The following TMEM232 variants were observed in gnomAD, a reference collection of about 807,000 sequenced individuals.
The protein encoded by TMEM232 is transmembrane protein 232.
In TMEM232, 80 loss-of-function variants were observed where a neutral mutation model predicts 78.8. That is an observed-to-expected ratio of 1.01 (90% confidence interval 0.85 to 1.22). The LOEUF is 1.22. Among genes scored for constraint, TMEM232 ranks in the 50% most tolerant of loss-of-function variants. The pLI, the probability that TMEM232 is intolerant of heterozygous loss-of-function variation, is 0.00. For missense variants in TMEM232, 881 were observed against 742.2 expected (o/e 1.19, Z -2.17); for synonymous variants, 297 against 254.3 (o/e 1.17, Z -1.60).
At chr5:110,464,475 T>C (rs1279783765) in intron 12 of TMEM232, among the ~76,000 whole-genome samples, 2 of 152,160 alleles carry the variant, frequency 1.3e-5, no homozygotes, top group African/African-American at 4.8e-5. Context: ...TTGTTCAAAA[T>C]GCCACTAATT....
chr5:110,506,259 T>C (rs1766887605), intron 12 of TMEM232, among the ~76,000 whole-genome samples: 1 of 152,178 alleles, frequency 6.6e-6, no homozygotes, highest in Non-Finnish European at 1.5e-5. Flanking sequence ...GTGTGTTTTG[T>C]TTTAGGGGGT....
At chr5:110,509,676 A>C (rs57724049) in intron 12 of TMEM232, among the ~76,000 whole-genome samples, 22,813 of 152,110 alleles carry the variant, frequency 0.15, 4,447 homozygotes, top group African/African-American at 0.45. Context: ...TAATAAAACA[A>C]TTTACAAAAA....
At chr5:110,609,580 G>A (rs1781933271) in intron 8 of TMEM232, among the ~76,000 whole-genome samples, 1 of 151,808 alleles carries the variant, frequency 6.6e-6, no homozygotes, top group Non-Finnish European at 1.5e-5. Context: ...AGTATACAGT[G>A]TCTATAGGCA....
intron 5 of TMEM232, among the ~76,000 whole-genome samples, chr5:110,635,270 A>C (rs1459684066): frequency 6.6e-6 from 1 of 152,034 alleles, no homozygotes; most frequent in South Asian, 2.1e-4. Context: ...TGAAAAACTA[A>C]TACCAACCCT....
intron 12 of TMEM232, among the ~76,000 whole-genome samples, chr5:110,442,006 C>A (rs1368089782): frequency 6.5e-4 from 1 of 1,542 alleles, no homozygotes. Context: ...ATTGGAGCTC[C>A]ATGTATGTGG....
intron 12 of TMEM232, among the ~76,000 whole-genome samples, chr5:110,480,626 G>C (rs1013994052): frequency 2.0e-5 from 3 of 151,972 alleles, no homozygotes; most frequent in African/African-American, 7.2e-5. Context: ...ATACTGTTGG[G>C]AACTGTGTGT....
At chr5:110,477,717 G>A (rs113189692) in intron 12 of TMEM232, among the ~76,000 whole-genome samples, 1 of 151,806 alleles carries the variant, frequency 6.6e-6, no homozygotes, top group African/African-American at 2.4e-5. Context: ...AATTCATAAT[G>A]ATGATAAACC....
chr5:110,633,539 T>C (rs1785422109), intron 5 of TMEM232, among the ~76,000 whole-genome samples: 1 of 151,920 alleles, frequency 6.6e-6, no homozygotes, highest in South Asian at 2.1e-4. Context: ...ATGGGGGTGG[T>C]TTCCCCATGC....
At chr5:110,391,291 A>ATGTGTG (rs369913835) in intron 3 of TMEM232, among the ~76,000 whole-genome samples, 5,304 of 130,550 alleles carry the variant, frequency 0.041, 147 homozygotes, top group South Asian at 0.081. Flanking sequence ...TCCCGTTTGA[A>ATGTGTG]TGTGTGTGTG....
At chr5:110,523,687 T>A (rs1313298104) in intron 12 of TMEM232, among the ~76,000 whole-genome samples, 1 of 152,022 alleles carries the variant, frequency 6.6e-6, no homozygotes, top group Non-Finnish European at 1.5e-5. Context: ...GAATGGCGAA[T>A]CATGCTTATA....
chr5:110,541,229 G>T (rs761124278), intron 11 of TMEM232, among the ~76,000 whole-genome samples: 15 of 152,128 alleles, frequency 9.9e-5, no homozygotes, highest in Non-Finnish European at 1.9e-4. Context: ...GGTTAAGCAG[G>T]TCTGTCAAGC....
intron 2 of TMEM232, among the ~76,000 whole-genome samples, chr5:110,403,043 A>G (rs79876883): frequency 6.6e-6 from 1 of 152,226 alleles, no homozygotes; most frequent in East Asian, 1.9e-4. Flanking sequence ...GAAAAAGAAA[A>G]GAAGACAACT....
chr5:110,731,188 A>G (rs1798645160), upstream of TMEM232, among the ~76,000 whole-genome samples: 1 of 152,246 alleles, frequency 6.6e-6, no homozygotes, highest in African/African-American at 2.4e-5. Context: ...CCTCCAGGTC[A>G]TGGTCTTCGG....
At chr5:110,556,798 C>CTG (rs1228351336) in intron 11 of TMEM232, among the ~76,000 whole-genome samples, 1 of 152,150 alleles carries the variant, frequency 6.6e-6, no homozygotes, top group Non-Finnish European at 1.5e-5. Flanking sequence ...CTCTTCTTTC[C>CTG]TGCTGCCTTT....
chr5:110,627,832 G>T lies in TMEM232; in HGVS notation c.550C>A (p.His184Asn). ...LRLFIFFLHGHLESFKQHLLR... is the reference protein window; with the variant it reads ...LRLFIFFLHGNLESFKQHLLR... ...AAATGTTGTTTAAAACTTTCTAGAT[G>T]ACCATGCAGGAAAAATATAAAAAGT... The change falls in exon 6 of 14, where the codon CAT (histidine) becomes AAT (asparagine). Residue 184 changes from histidine to asparagine, a missense_variant. Coordinates refer to ENST00000455884, the MANE Select transcript of TMEM232 (RefSeq NM_001039763.4). 6.5e-7 allele frequency: 1 copy of T among 1,537,522 alleles called. No homozygotes were observed.
At chr5:110,578,842 T>C (rs556672999) in intron 10 of TMEM232, among the ~76,000 whole-genome samples, 1 of 151,978 alleles carries the variant, frequency 6.6e-6, no homozygotes, top group African/African-American at 2.4e-5. Context: ...GGCTTAGATT[T>C]AGCATGTAAA....
intron 11 of TMEM232, among the ~76,000 whole-genome samples, chr5:110,537,516 T>C (rs993683613): frequency 1.3e-5 from 2 of 152,138 alleles, no homozygotes; most frequent in African/African-American, 4.8e-5. Context: ...GGGAAAGTCC[T>C]AAGGCAGAAC....
intron 13 of TMEM232, among the ~76,000 whole-genome samples, chr5:110,423,564 A>C (rs1756902950): frequency 6.6e-6 from 1 of 152,172 alleles, no homozygotes; most frequent in African/African-American, 2.4e-5. Flanking sequence ...TGGATCTATA[A>C]GTTTTCAAGC....
In TMEM232 at chr5:110,512,549, C is replaced by A. The variant is rs79464669; in HGVS notation, c.1703+16039G>T. 8.9e-3 allele frequency among the ~76,000 whole-genome samples: 1,354 copies of A among 152,256 alleles called. 22 individuals are homozygous for A. Among genetic ancestry groups the A allele is most frequent in the African/African-American group, 0.031 (1,270 of 41,554 alleles). On this transcript the variant is annotated intron_variant, in intron 12 of 13. Transcript: ENST00000455884. ...TTACATTTAAATCCATAGCAAGAGA[C>A]CACTATAAGAAGGCTGAGTTACTTG...
Sources: allele counts gnomAD v4.1 joint callset (sites outside exome capture counted in the v4.1 genomes callset), GRCh38; gene constraint gnomAD v4.1.1; transcripts MANE v1.5; gene names NCBI Gene and HGNC (gene_info 2026-07-23, HGNC 2026-07-21).